Variants in PAFAH1B2 observed in about 807,000 individuals in gnomAD.
The protein encoded by PAFAH1B2 is platelet activating factor acetylhydrolase 1b catalytic subunit 2, also known as platelet-activating factor acetylhydrolase IB subunit alpha2.
Under a neutral mutation model 28.0 loss-of-function variants are expected in PAFAH1B2, and 8 were observed. The observed-to-expected ratio is 0.29, with a 90% confidence interval of 0.17 to 0.52. The LOEUF is 0.52. Among genes scored for constraint, PAFAH1B2 ranks in the 20% least tolerant of loss-of-function variants. PAFAH1B2 has a pLI of 0.97. For synonymous variants in PAFAH1B2, 104 were observed against 103.2 expected, an observed-to-expected ratio of 1.01 and a Z score of -0.05; for missense variants, 190 against 282.6, an observed-to-expected ratio of 0.67 and a Z score of 2.35.
intron 2 of PAFAH1B2, among the ~76,000 whole-genome samples, chr11:117,155,429 G>A (rs1224706265): frequency 6.6e-6 from 1 of 152,006 alleles, no homozygotes; most frequent in Non-Finnish European, 1.5e-5. Flanking sequence ...TATCCTAAAG[G>A]AACTAATATA....
chr11:117,167,980 T>C lies in PAFAH1B2; in HGVS notation c.*281T>C, dbSNP rs180788501. On this transcript the variant is annotated 3_prime_UTR_variant, in exon 6 of 6. Transcript: ENST00000527958. ...GTGTAACACATTCATTGAATTATTA[T>C]CACTGTTTTCTTGGGACAACATCAA... 6 of 1,091,246 alleles carry C rather than the reference T, an allele frequency of 5.5e-6. No individual in the cohort carries two copies. In the East Asian group the frequency reaches 2.8e-4, roughly 52 times the overall value. 67.6% of individuals were successfully genotyped at this position (1,091,246 alleles called of 1,614,324 possible).
At chr11:117,163,189 G>GGCTGAGTGTGGTA (rs1337072578) in intron 4 of PAFAH1B2, among the ~76,000 whole-genome samples, 1 of 151,960 alleles carries the variant, frequency 6.6e-6, no homozygotes, top group Non-Finnish European at 1.5e-5. Flanking sequence ...TTTCTGCCCT[G>GGCTGAGTGTGGTA]GCTCAACATT....
chr11:117,162,373 T>G (rs988902851), intron 4 of PAFAH1B2, among the ~76,000 whole-genome samples: 1 of 151,998 alleles, frequency 6.6e-6, no homozygotes, highest in Non-Finnish European at 1.5e-5. Context: ...ACTCCTGGCC[T>G]CAGATGATGA....
chr11:117,152,413 G>A lies in PAFAH1B2; in HGVS notation c.-7-28G>A, dbSNP rs755149737. On this transcript the variant is annotated intron_variant, in intron 1 of 5. Coordinates refer to ENST00000527958, the MANE Select transcript of PAFAH1B2 (RefSeq NM_002572.4). ...GTAACAAACCTTCCTGTTAACAAAT[G>A]AAACATGACATAGACGTTTTTTCTC... The A allele has an allele frequency of 2.8e-6, 4 of 1,404,620 alleles. No homozygotes were observed. The Admixed American group carries it at 5.1e-5, about 18-fold the overall frequency. The allele number at this position is 1,404,620 out of a possible 1,614,324, so 87.0% of individuals were successfully genotyped here. A position where few individuals can be genotyped will look rare whatever the true frequency, so the allele number is the denominator to read the frequency against.
chr11:117,150,454 ATGT>A (rs1187239046), intron 1 of PAFAH1B2, among the ~76,000 whole-genome samples: 8 of 150,028 alleles, frequency 5.3e-5, no homozygotes, highest in Admixed American at 3.3e-4. Context: ...CCAGCCGATG[ATGT>A]TGTTTTTTTT....
Position 117,165,702 on chromosome 11 carries a change from G to A in PAFAH1B2, c.412-1719G>A, listed in dbSNP as rs1956491610. 4.6e-5 allele frequency among the ~76,000 whole-genome samples: 7 copies of A among 152,234 alleles called. No homozygotes were observed. In the South Asian group the frequency reaches 1.5e-3, roughly 32 times the overall value. On this transcript the variant is annotated intron_variant, in intron 5 of 5. Transcript: ENST00000527958. ...CCAGACAAATAGGGAAAGAAGGAAG[G>A]TATTATAGAAAAATAAAGAGAATTG...
chr11:117,152,956 C>T (rs770113877), intron 2 of PAFAH1B2, among the ~76,000 whole-genome samples: 2 of 152,138 alleles, frequency 1.3e-5, no homozygotes, highest in Non-Finnish European at 2.9e-5. Flanking sequence ...GTCCCAGTTA[C>T]TGAGGAGGCT....
intron 1 of PAFAH1B2, among the ~76,000 whole-genome samples, chr11:117,149,403 A>G (rs1956090783): frequency 6.9e-6 from 1 of 145,540 alleles, no homozygotes; most frequent in Admixed American, 6.9e-5. Context: ...TTTTTAAAGA[A>G]TTTAATTTAA....
At chr11:117,176,792 G>A (rs956385893) in exon 6 of PAFAH1B2, 6 of 150,070 alleles carry the variant, frequency 4.0e-5, no homozygotes, top group East Asian at 3.9e-4. Flanking sequence ...CAGGAGCATC[G>A]CCTGAACTCA....
chr11:117,170,069 G>A lies in PAFAH1B2; in HGVS notation c.*2370G>A. On this transcript the variant is annotated 3_prime_UTR_variant, in exon 6 of 6. Transcript: ENST00000527958. ...AATAAAATTCTGCCCCATTACTGAT[G>A]TGCAGATATTGAGTTCACTTTCATT... is the stretch of plus-strand genomic sequence containing the variant. 9.5e-7 allele frequency: 1 copy of A among 1,055,860 alleles called. No individual in the cohort carries two copies. The highest frequency in any genetic ancestry group is 1.1e-6 in the Non-Finnish European group (1 of 873,558). The allele number at this position is 1,055,860 out of a possible 1,614,324, so 65.4% of individuals were successfully genotyped here. A position where few individuals can be genotyped will look rare whatever the true frequency, so the allele number is the denominator to read the frequency against.
Position 117,168,349 on chromosome 11 carries a change from C to T in PAFAH1B2, c.*650C>T, listed in dbSNP as rs1591754547. 9.4e-7 allele frequency: 1 copy of T among 1,058,538 alleles called. No individual in the cohort carries two copies. The highest frequency in any genetic ancestry group is 5.1e-5 in the East Asian group (1 of 19,554). 65.6% of individuals were successfully genotyped at this position (1,058,538 alleles called of 1,614,324 possible). On this transcript the variant is annotated 3_prime_UTR_variant, in exon 6 of 6. Coordinates refer to ENST00000527958, the MANE Select transcript of PAFAH1B2 (RefSeq NM_002572.4). ...TCTTTGGAGGGTATTATTTTTTATG[C>T]TGCTGAATATCATGTCTATAATAGA...
At chr11:117,176,005 T>C (rs1012324683), downstream of PAFAH1B2, 52 of 1,234,954 alleles carry the variant, frequency 4.2e-5, no homozygotes, top group Admixed American at 3.8e-4. Context: ...GCTGACTGCA[T>C]GGAGGGCTCA....
chr11:117,171,725 C>G, downstream of PAFAH1B2: 4 of 1,535,954 alleles, frequency 2.6e-6, no homozygotes, highest in Non-Finnish European at 2.6e-6. Flanking sequence ...ACACCAGCAA[C>G]TACCAGGCCA....
At chr11:117,177,136 G>T (rs10790176), downstream of PAFAH1B2, among the ~76,000 whole-genome samples, 108,068 of 151,976 alleles carry the variant, frequency 0.71, 39,667 homozygotes, top group Non-Finnish European at 0.82. Flanking sequence ...TTGAACCCAG[G>T]AGGCAGAGGT....
At chr11:117,155,192 TGATCCACGCACC>T (rs1402841100) in intron 2 of PAFAH1B2, among the ~76,000 whole-genome samples, 1 of 152,018 alleles carries the variant, frequency 6.6e-6, no homozygotes, top group Non-Finnish European at 1.5e-5. Context: ...TGACCTCAGG[TGATCCACGCACC>T]TTAGCCTCCC....
At chr11:117,157,949 C>A (rs1283378494) in intron 2 of PAFAH1B2, among the ~76,000 whole-genome samples, 1 of 151,914 alleles carries the variant, frequency 6.6e-6, no homozygotes, top group Non-Finnish European at 1.5e-5. Context: ...ACCAGCCTGA[C>A]CAACATGGTG....
At chr11:117,148,967 G>C (rs10466592) in intron 1 of PAFAH1B2, among the ~76,000 whole-genome samples, 1 of 151,348 alleles carries the variant, frequency 6.6e-6, no homozygotes, top group African/African-American at 2.4e-5. Flanking sequence ...TCCTGGGCTC[G>C]AGCGATTCTC....
downstream of PAFAH1B2, chr11:117,175,318 G>A (rs1277292811): frequency 4.7e-6 from 5 of 1,069,880 alleles, no homozygotes; most frequent in Non-Finnish European, 5.7e-6. Flanking sequence ...GCTGACTGCT[G>A]CAGCCAACAA....
chr11:117,171,406 C>T (rs991029285), downstream of PAFAH1B2, among the ~76,000 whole-genome samples: 2 of 152,098 alleles, frequency 1.3e-5, no homozygotes, highest in Non-Finnish European at 2.9e-5. Flanking sequence ...TGGCCGGGCT[C>T]ACGCCTGTAA....
Sources: allele counts gnomAD v4.1 joint callset (sites outside exome capture counted in the v4.1 genomes callset), GRCh38; gene constraint gnomAD v4.1.1; transcripts MANE v1.5; gene names NCBI Gene and HGNC (gene_info 2026-07-23, HGNC 2026-07-21).